CD109: variants seen among roughly 807,000 people sequenced by gnomAD.
CD109 encodes CD109 antigen.
In CD109, 149 loss-of-function variants were observed where a neutral mutation model predicts 165.8. The ratio of observed to expected loss-of-function variants is 0.90; its 90% confidence interval spans 0.79 to 1.03. The LOEUF is 1.03. Ranked by LOEUF, CD109 falls within the 50% of genes least tolerant of loss-of-function variation. CD109 has a pLI of 0.00. For missense variants in CD109, 1,712 were observed against 1,677.8 expected (o/e 1.02, Z -0.36); for synonymous variants, 585 against 592.1 (o/e 0.99, Z 0.18).
At chr6:73,709,142 T>A (rs541499401) in intron 2 of CD109, among the ~76,000 whole-genome samples, 60 of 152,318 alleles carry the variant, frequency 3.9e-4, no homozygotes, top group African/African-American at 1.1e-3. Flanking sequence ...AGGTCTAACA[T>A]TTAAGTCTTT....
At chr6:73,754,020 C>T (rs935740029) in intron 5 of CD109, among the ~76,000 whole-genome samples, 5 of 152,160 alleles carry the variant, frequency 3.3e-5, no homozygotes. Context: ...TTATCATATA[C>T]TGTGTTAGGC....
chr6:73,723,169 T>C (rs1458295267), intron 2 of CD109, 82 bp from the exon 3 acceptor site: 2 of 1,602,914 alleles, frequency 1.2e-6, no homozygotes, highest in Non-Finnish European at 1.7e-6. Context: ...TGTAAGAGTA[T>C]TGGGAGAGTT....
the CD109 span, among the ~76,000 whole-genome samples, chr6:73,688,437 T>C: frequency 6.6e-6 from 1 of 152,194 alleles, no homozygotes; most frequent in African/African-American, 2.4e-5. Flanking sequence ...TTCTAATATT[T>C]GGTCTCTGCT....
chr6:73,750,318 C>T (rs1472398178), intron 5 of CD109, among the ~76,000 whole-genome samples: 1 of 152,068 alleles, frequency 6.6e-6, no homozygotes, highest in Non-Finnish European at 1.5e-5. Flanking sequence ...TCAGAAATCA[C>T]ATTTAGGAGC....
chr6:73,697,404 C>T lies in CD109; in HGVS notation c.79C>T (p.Arg27Trp), dbSNP rs202157387. 1.7e-5 allele frequency: 27 copies of T among 1,613,702 alleles called. No individual in the cohort carries two copies. In the East Asian group the frequency reaches 4.9e-4, roughly 29 times the overall value. ...TAALAVAPGP[R>W]FLVTAPGIIR... is the part of the protein sequence containing the mutation. ...CCCTTGTTGGGAACTCTTTAGGCCTCGGTTTCTGGTGACAGCCCCAGGGAT... is the reference window on the plus strand; with the variant it reads ...CCCTTGTTGGGAACTCTTTAGGCCTTGGTTTCTGGTGACAGCCCCAGGGAT... Residue 27 changes from arginine to tryptophan, a missense_variant, in exon 2 of 33, where the codon CGG becomes TGG. Transcript: ENST00000287097.
chr6:73,700,790 GTTTTTTTTTT>G (rs58140668), intron 2 of CD109, among the ~76,000 whole-genome samples: 7 of 51,478 alleles, frequency 1.4e-4, no homozygotes, highest in African/African-American at 5.6e-4. Context: ...ATTGATTGTA[GTTTTTTTTTT>G]TTTTTTTTTT....
chr6:73,760,603 TG>T (rs1393751825), intron 7 of CD109, among the ~76,000 whole-genome samples: 1 of 152,028 alleles, frequency 6.6e-6, no homozygotes, highest in East Asian at 1.9e-4. Flanking sequence ...CCCAGCACTT[TG>T]GGGGGCCAAA....
At chr6:73,771,942 G>C (rs554306652) in intron 15 of CD109, among the ~76,000 whole-genome samples, 1 of 152,252 alleles carries the variant, frequency 6.6e-6, no homozygotes, top group East Asian at 1.9e-4. Flanking sequence ...AAAATGATCA[G>C]TATGTAGTAT....
intron 5 of CD109, among the ~76,000 whole-genome samples, chr6:73,752,981 A>G (rs1037226520): frequency 2.0e-5 from 3 of 152,214 alleles, no homozygotes; most frequent in Admixed American, 1.3e-4. Flanking sequence ...GTTTAGTCAA[A>G]TTTAGTTTAG....
At chr6:73,756,790 G>T in intron 6 of CD109, 108 bp downstream of exon 6, 1 of 724,480 alleles carries the variant, frequency 1.4e-6, no homozygotes, top group South Asian at 2.7e-5. Context: ...TCTCAATGGA[G>T]TTAAAATTCT....
At chr6:73,718,435 T>C (rs552169258) in intron 2 of CD109, among the ~76,000 whole-genome samples, 1 of 152,208 alleles carries the variant, frequency 6.6e-6, no homozygotes, top group African/African-American at 2.4e-5. Context: ...CTATATGCAG[T>C]TTTTTTGAGG....
intron 23 of CD109, 44 bp downstream of exon 23, chr6:73,792,846 G>T (rs1422248283): frequency 2.0e-6 from 3 of 1,499,066 alleles, no homozygotes; most frequent in African/African-American, 2.8e-5. Context: ...AAAAAAATTT[G>T]TTTTTTTCAG....
At chr6:73,766,258 G>T in intron 11 of CD109, 104 bp downstream of exon 11, 1 of 851,972 alleles carries the variant, frequency 1.2e-6, no homozygotes, top group South Asian at 1.8e-5. Context: ...ATAGGAAGTG[G>T]ACACATGTTT....
At position 73,791,154 on chromosome 6, in the gene CD109, T is replaced by C. The variant is rs1216262945; in HGVS notation, c.2702-1472T>C. Among the ~76,000 whole-genome samples the C allele has an allele frequency of 3.8e-3, 106 of 28,212 alleles. 3 individuals carry two copies. Among genetic ancestry groups the C allele is most frequent in the Middle Eastern group, 0.036 (2 of 56 alleles). The allele number at this position is 28,212 out of a possible 152,430, so 18.5% of individuals were successfully genotyped here. A position where few individuals can be genotyped will look rare whatever the true frequency, so the allele number is the denominator to read the frequency against. On this transcript the variant is annotated intron_variant, in intron 22 of 32. Transcript: ENST00000287097. ...ATACATACATATATATATATATATATATATATATATATATATATATATACA... is the reference window on the plus strand; with the variant it reads ...ATACATACATATATATATATATATACATATATATATATATATATATATACA...
At chr6:73,785,853 T>G (rs1204106426) in intron 20 of CD109, among the ~76,000 whole-genome samples, 12 of 151,888 alleles carry the variant, frequency 7.9e-5, no homozygotes, top group East Asian at 5.8e-4. Flanking sequence ...TTTGTTTTTT[T>G]TTTTTTTTTG....
At chr6:73,712,554 A>G (rs533769093) in intron 2 of CD109, among the ~76,000 whole-genome samples, 16 of 152,160 alleles carry the variant, frequency 1.1e-4, no homozygotes, top group Non-Finnish European at 2.2e-4. Context: ...TGATTTTCCA[A>G]AGTTATTTGG....
intron 6 of CD109, among the ~76,000 whole-genome samples, chr6:73,757,335 C>T (rs1245556627): frequency 6.6e-6 from 1 of 152,150 alleles, no homozygotes; most frequent in African/African-American, 2.4e-5. Context: ...GGCCATATGT[C>T]TCTGTTGTTA....
At chr6:73,814,918 T>A in intron 29 of CD109, 63 bp from the exon 30 acceptor site, 2 of 1,270,640 alleles carry the variant, frequency 1.6e-6, no homozygotes, top group Non-Finnish European at 2.1e-6. Flanking sequence ...ATACAGTATT[T>A]AGAAGGCAAA....
At chr6:73,746,921 G>A (rs74545256) in intron 5 of CD109, among the ~76,000 whole-genome samples, 51 of 152,292 alleles carry the variant, frequency 3.3e-4, no homozygotes, top group African/African-American at 1.2e-3. Flanking sequence ...CTCCTGGGGA[G>A]GTTCTGATTC....
Sources: allele counts gnomAD v4.1 joint callset (sites outside exome capture counted in the v4.1 genomes callset), GRCh38; gene constraint gnomAD v4.1.1; transcripts MANE v1.5; gene names NCBI Gene and HGNC (gene_info 2026-07-23, HGNC 2026-07-21).